Variants in ARID1B observed in about 807,000 individuals in gnomAD.
ARID1B encodes the protein AT-rich interactive domain-containing protein 1B.
Under a neutral mutation model 212.3 loss-of-function variants are expected in ARID1B, and 30 were observed. The observed-to-expected ratio is 0.14, with a 90% confidence interval of 0.11 to 0.19. The LOEUF is 0.19. ARID1B is among the 10% of genes least tolerant of loss of function. The pLI, the probability that ARID1B is intolerant of heterozygous loss-of-function variation, is 1.00. For synonymous variants in ARID1B, 1,402 were observed against 1,301.7 expected (o/e 1.08, Z -1.66); for missense variants, 2,891 against 3,204.0 (o/e 0.90, Z 2.36).
chr6:157,035,880 C>A (rs1781294877), intron 4 of ARID1B, among the ~76,000 whole-genome samples: 1 of 152,128 alleles, frequency 6.6e-6, no homozygotes, highest in South Asian at 2.1e-4. Flanking sequence ...ATTGTCATGG[C>A]CTTCCTTTCT....
intron 2 of ARID1B, among the ~76,000 whole-genome samples, chr6:156,883,734 C>T (rs929442129): frequency 3.3e-5 from 5 of 152,128 alleles, no homozygotes; most frequent in Non-Finnish European, 4.4e-5. Flanking sequence ...TGAGAGTTGC[C>T]GGCTCCTCTG....
At chr6:156,921,901 A>G (rs1368458519) in intron 3 of ARID1B, among the ~76,000 whole-genome samples, 1 of 151,172 alleles carries the variant, frequency 6.6e-6, no homozygotes, top group Non-Finnish European at 1.5e-5. Flanking sequence ...CTTTCATTCC[A>G]TAGGCATTTC....
At chr6:157,163,351 G>A (rs1434365989) in intron 8 of ARID1B, among the ~76,000 whole-genome samples, 1 of 152,172 alleles carries the variant, frequency 6.6e-6, no homozygotes, top group Non-Finnish European at 1.5e-5. Context: ...CAGGAGTGCT[G>A]GGTTAGTTAG....
At chr6:157,195,136 G>A (rs1339580635) in intron 15 of ARID1B, 2 of 152,204 alleles carry the variant, frequency 1.3e-5, no homozygotes. Flanking sequence ...AAACTTAGCA[G>A]CTTAAAACAA....
chr6:156,883,191 A>G (rs80179471), intron 2 of ARID1B, among the ~76,000 whole-genome samples: 6 of 152,180 alleles, frequency 3.9e-5, no homozygotes, highest in Non-Finnish European at 8.8e-5. Context: ...CAGATTCTCA[A>G]TTATATGTTA....
intron 11 of ARID1B, among the ~76,000 whole-genome samples, chr6:157,179,874 C>CT (rs1451392523): frequency 1.3e-5 from 2 of 152,032 alleles, no homozygotes; most frequent in East Asian, 3.9e-4. Context: ...AGTTAACCCC[C>CT]TAAACCTTCA....
At chr6:157,050,430 G>A (rs1410549544) in intron 4 of ARID1B, among the ~76,000 whole-genome samples, 2 of 152,168 alleles carry the variant, frequency 1.3e-5, no homozygotes, top group Non-Finnish European at 1.5e-5. Context: ...TGTAATCGCA[G>A]CTACTCAGGA....
At chr6:156,910,029 C>T (rs1380745126) in intron 3 of ARID1B, among the ~76,000 whole-genome samples, 1 of 152,208 alleles carries the variant, frequency 6.6e-6, no homozygotes, top group Non-Finnish European at 1.5e-5. Context: ...GACCCTAGGC[C>T]ACTGAGTTTG....
intron 6 of ARID1B, among the ~76,000 whole-genome samples, chr6:157,126,299 C>T (rs993720944): frequency 6.6e-6 from 1 of 152,126 alleles, no homozygotes; most frequent in Non-Finnish European, 1.5e-5. Flanking sequence ...TCACTTTACA[C>T]AAAGGAGCCT....
At chr6:157,064,156 T>C (rs1783529077) in intron 4 of ARID1B, among the ~76,000 whole-genome samples, 1 of 152,246 alleles carries the variant, frequency 6.6e-6, no homozygotes, top group Non-Finnish European at 1.5e-5. Context: ...GTCATCTTTG[T>C]CTTGCAGCAC....
intron 6 of ARID1B, among the ~76,000 whole-genome samples, chr6:157,113,920 A>AG (rs1386545206): frequency 6.6e-6 from 1 of 152,266 alleles, no homozygotes; most frequent in African/African-American, 2.4e-5. Context: ...AAGAAATGTT[A>AG]GCTCCTAATA....
intron 1 of ARID1B, among the ~76,000 whole-genome samples, chr6:156,796,931 G>A (rs1366721619): frequency 6.8e-6 from 1 of 147,184 alleles, no homozygotes; most frequent in Non-Finnish European, 1.5e-5. Context: ...AGGTCTTTGA[G>A]AGCCTCAGAC....
intron 4 of ARID1B, among the ~76,000 whole-genome samples, chr6:156,975,374 C>G (rs1400094621): frequency 6.6e-6 from 1 of 152,082 alleles, no homozygotes; most frequent in Non-Finnish European, 1.5e-5. Flanking sequence ...CTTTATATAT[C>G]ATGGATATGC....
chr6:156,942,096 A>G (rs1036218216), intron 4 of ARID1B: 3 of 152,164 alleles, frequency 2.0e-5, no homozygotes, highest in East Asian at 1.9e-4. Flanking sequence ...ATGAATTTCA[A>G]CCCATTTTAT....
intron 3 of ARID1B, among the ~76,000 whole-genome samples, chr6:156,913,124 GA>G (rs1790035281): frequency 2.0e-5 from 3 of 149,914 alleles, no homozygotes; most frequent in African/African-American, 7.4e-5. Context: ...ATTGTAGAGT[GA>G]GTACATCTAG....
intron 4 of ARID1B, among the ~76,000 whole-genome samples, chr6:156,944,782 C>T (rs1429030586): frequency 2.6e-5 from 4 of 152,092 alleles, no homozygotes; most frequent in Non-Finnish European, 4.4e-5. Context: ...CTTTTTAAAC[C>T]GAGATTGACA....
intron 2 of ARID1B, among the ~76,000 whole-genome samples, chr6:156,900,054 C>T (rs1788793528): frequency 6.6e-6 from 1 of 152,092 alleles, no homozygotes; most frequent in Non-Finnish European, 1.5e-5. Context: ...ATGGCAGGGA[C>T]ATAACATTCA....
At chr6:156,823,688 G>GTTTTTT (rs56983474) in intron 1 of ARID1B, among the ~76,000 whole-genome samples, 21 of 117,998 alleles carry the variant, frequency 1.8e-4, no homozygotes, top group African/African-American at 2.8e-4. Context: ...TTTCTTTGTT[G>GTTTTTT]TTTTTTTTTT....
chr6:157,134,518 A>G (rs1407056611), intron 7 of ARID1B, among the ~76,000 whole-genome samples: 1 of 152,200 alleles, frequency 6.6e-6, no homozygotes, highest in African/African-American at 2.4e-5. Flanking sequence ...TGTTTTGCCC[A>G]ATTCTCTTTA....
Sources: gnomAD v4.1 joint callset for allele counts (sites outside exome capture counted in the v4.1 genomes callset) on GRCh38, gnomAD v4.1.1 for gene constraint, MANE v1.5 for transcripts, NCBI Gene and HGNC (gene_info 2026-07-23, HGNC 2026-07-21) for gene names.